Variants in FGF13 observed in about 807,000 individuals in gnomAD.
FGF13 encodes fibroblast growth factor homologous factor 2.
FGF13 carries 2 observed loss-of-function variants against 19.5 expected under a neutral mutation model. The observed-to-expected ratio is 0.10, with a 90% confidence interval of 0.04 to 0.32. FGF13 has a LOEUF of 0.32. Among genes scored for constraint, FGF13 ranks in the 10% least tolerant of loss-of-function variants. FGF13 has a pLI of 1.00. For synonymous variants in FGF13, 72 were observed against 76.9 expected, an observed-to-expected ratio of 0.94 and a Z score of 0.33; for missense variants, 113 against 192.7, an observed-to-expected ratio of 0.59 and a Z score of 2.45.
At chrX:139,191,996 T>A (rs886601442) in intron 1 of FGF13, among the ~76,000 whole-genome samples, 1 of 111,856 alleles carries the variant, frequency 8.9e-6, no homozygotes, top group Non-Finnish European at 1.9e-5. Context: ...GCCGAGGCTT[T>A]GAAATTCTCC....
chrX:138,778,605 C>G, intron 3 of FGF13, among the ~76,000 whole-genome samples: 1 of 112,347 alleles, frequency 8.9e-6, no homozygotes, highest in Non-Finnish European at 1.9e-5. Context: ...TGCGCTTTTC[C>G]GACAGGCTTA....
chrX:138,937,379 C>A (rs2091736646), intron 1 of FGF13, among the ~76,000 whole-genome samples: 2 of 111,868 alleles, frequency 1.8e-5, no homozygotes, highest in Non-Finnish European at 3.8e-5. Flanking sequence ...GTACTCATTT[C>A]TGCACCCAAA....
chrX:138,899,249 T>C (rs1338171666), intron 1 of FGF13, among the ~76,000 whole-genome samples: 1 of 111,484 alleles, frequency 9.0e-6, no homozygotes, highest in African/African-American at 3.3e-5. Flanking sequence ...TTACTGGCTA[T>C]AGGCTAAGGT....
intron 3 of FGF13, among the ~76,000 whole-genome samples, chrX:138,840,767 G>C (rs779132364): frequency 9.0e-6 from 1 of 111,688 alleles, no homozygotes; most frequent in East Asian, 2.8e-4. Context: ...CCAGTGGCCA[G>C]GGTGGTGGTC....
intron 1 of FGF13, among the ~76,000 whole-genome samples, chrX:138,988,576 C>A (rs186742188): frequency 6.0e-4 from 67 of 112,266 alleles, no homozygotes; most frequent in Middle Eastern, 4.6e-3. Context: ...AATAGCTTTT[C>A]TCTGCCATTA....
upstream of FGF13, chrX:139,204,361 G>A: frequency 3.5e-6 from 1 of 284,197 alleles, no homozygotes. Flanking sequence ...CCGGCCGCGG[G>A]AGGAGCCGCT....
chrX:138,787,289 G>A (rs931623137), intron 3 of FGF13, among the ~76,000 whole-genome samples: 3 of 112,622 alleles, frequency 2.7e-5, no homozygotes, highest in African/African-American at 6.4e-5. Flanking sequence ...CAGAGAAAGA[G>A]TGCTGCTCCC....
chrX:138,894,193 G>A (rs1169533982), intron 1 of FGF13, among the ~76,000 whole-genome samples: 4 of 110,207 alleles, frequency 3.6e-5, no homozygotes, highest in Non-Finnish European at 7.6e-5. Context: ...GGGGGATTCG[G>A]AGGAAAGACT....
intron 1 of FGF13, among the ~76,000 whole-genome samples, chrX:139,004,929 G>C (rs499259): frequency 9.0e-6 from 1 of 111,716 alleles, no homozygotes; most frequent in African/African-American, 3.3e-5. Flanking sequence ...GACTTCTAGA[G>C]TGTTTTGACT....
intron 3 of FGF13, among the ~76,000 whole-genome samples, chrX:138,640,388 C>T (rs184876023): frequency 2.8e-4 from 31 of 112,062 alleles, no homozygotes; most frequent in Non-Finnish European, 4.9e-4. Context: ...TGCCAGAAAA[C>T]GTTTTTTCCC....
intron 1 of FGF13, among the ~76,000 whole-genome samples, chrX:139,118,333 G>A (rs1276468643): frequency 4.5e-5 from 5 of 111,774 alleles, no homozygotes; most frequent in Admixed American, 9.5e-5. Flanking sequence ...TTATGCAGAC[G>A]TAACCTCATC....
At chrX:139,198,513 G>T (rs1266688026) in intron 1 of FGF13, among the ~76,000 whole-genome samples, 1 of 111,747 alleles carries the variant, frequency 8.9e-6, no homozygotes, top group Non-Finnish European at 1.9e-5. Flanking sequence ...ATTAGCCCGT[G>T]ACACTAGTAC....
chrX:139,174,766 G>T (rs1011136008), intron 1 of FGF13, among the ~76,000 whole-genome samples: 8 of 111,845 alleles, frequency 7.2e-5, no homozygotes, highest in Middle Eastern at 4.6e-3. Context: ...ACTCTGTTTT[G>T]GTACCAGCAC....
intron 1 of FGF13, among the ~76,000 whole-genome samples, chrX:139,000,710 C>A (rs984758568): frequency 8.9e-6 from 1 of 112,089 alleles, no homozygotes; most frequent in African/African-American, 3.2e-5. Context: ...GAACAACATT[C>A]CATGCTCATG....
chrX:138,742,927 A>T (rs62602175), upstream of FGF13, among the ~76,000 whole-genome samples: 960 of 111,880 alleles, frequency 8.6e-3, 7 homozygotes, highest in African/African-American at 0.018. Flanking sequence ...CTAATTAATG[A>T]GCATTTTGCT....
At chrX:138,710,080 T>C (rs763949709) in intron 1 of FGF13, among the ~76,000 whole-genome samples, 55 of 111,320 alleles carry the variant, frequency 4.9e-4, no homozygotes, top group Non-Finnish European at 9.4e-4. Flanking sequence ...GAGCTGAATT[T>C]CCAGTCGCTG....
At chrX:138,708,732 T>C (rs1232271296) in intron 2 of FGF13, 86 bp downstream of exon 2, 2 of 610,079 alleles carry the variant, frequency 3.3e-6, no homozygotes, top group African/African-American at 4.4e-5. Flanking sequence ...ATTCAGGATT[T>C]AGGAAAGCGT....
At chrX:139,204,872 G>C (rs1416147361), upstream of FGF13, 4 of 110,782 alleles carry the variant, frequency 3.6e-5, no homozygotes, top group Non-Finnish European at 7.6e-5. Flanking sequence ...TGCCAAAAAG[G>C]GGGCCGGAGT....
chrX:138,771,588 G>T (rs1267506242), intron 3 of FGF13, among the ~76,000 whole-genome samples: 1 of 111,131 alleles, frequency 9.0e-6, no homozygotes, highest in Non-Finnish European at 1.9e-5. Flanking sequence ...AAACAGGGAA[G>T]ATTTTCCTGG....
Sources: gnomAD v4.1 joint callset for allele counts (sites outside exome capture counted in the v4.1 genomes callset) on GRCh38, gnomAD v4.1.1 for gene constraint, MANE v1.5 for transcripts, NCBI Gene and HGNC (gene_info 2026-07-23, HGNC 2026-07-21) for gene names.